The following CHAT variants were observed in gnomAD, a reference collection of about 807,000 sequenced individuals.
CHAT encodes acetyl CoA:choline O-acetyltransferase.
Under a neutral mutation model 76.9 loss-of-function variants are expected in CHAT, and 61 were observed. The ratio of observed to expected loss-of-function variants is 0.79; its 90% confidence interval spans 0.65 to 0.98. CHAT has a LOEUF of 0.98. Ranked by LOEUF, CHAT falls within the 50% of genes least tolerant of loss-of-function variation. The pLI is 0.00. For synonymous variants in CHAT, 407 were observed against 397.4 expected (o/e 1.02, Z -0.29); for missense variants, 946 against 986.9 (o/e 0.96, Z 0.56).
In CHAT at chr10:49,666,639, C is replaced by G. The variant is rs1477543853; in HGVS notation, c.*1593C>G. ...GTGGGCATTTGACCTTTGCTCAGCT[C>G]TTTGAAAACACAAGCAGCCTCAAGA... is the stretch of plus-strand genomic sequence containing the variant. On this transcript the variant is annotated 3_prime_UTR_variant, in exon 15 of 15. Coordinates refer to ENST00000337653, the MANE Select transcript of CHAT (RefSeq NM_020549.5). 6.6e-6 allele frequency among the ~76,000 whole-genome samples: 1 copy of G among 152,196 alleles called. No homozygotes were observed. Among genetic ancestry groups the G allele is most frequent in the Non-Finnish European group, 1.5e-5 (1 of 68,024 alleles).
upstream of CHAT, chr10:49,610,464 C>T: frequency 2.6e-6 from 1 of 380,672 alleles, no homozygotes; most frequent in Non-Finnish European, 4.6e-6. Flanking sequence ...GCCCAGTCTC[C>T]GGCCCCGGCC....
At chr10:49,610,692 G>C, upstream of CHAT, 1 of 1,448,216 alleles carries the variant, frequency 6.9e-7, no homozygotes, top group Non-Finnish European at 9.0e-7. Flanking sequence ...CGGGACGCCA[G>C]CGCTCGGCCC....
At chr10:49,642,799 A>G (rs1839529116) in intron 7 of CHAT, among the ~76,000 whole-genome samples, 1 of 152,248 alleles carries the variant, frequency 6.6e-6, no homozygotes, top group Admixed American at 6.5e-5. Context: ...GCCAACAGGA[A>G]TGAGGTGTAC....
intron 7 of CHAT, among the ~76,000 whole-genome samples, chr10:49,640,017 C>A (rs56180907): frequency 0.25 from 38,135 of 151,974 alleles, 6,184 homozygotes; most frequent in Non-Finnish European, 0.35. Context: ...TCAGTCCTAA[C>A]ATTTCTATTT....
chr10:49,611,738 C>G, upstream of CHAT: 1 of 1,605,116 alleles, frequency 6.2e-7, no homozygotes, highest in South Asian at 1.1e-5. Flanking sequence ...GCCTGGCTGC[C>G]GGCCTTCGTG....
intron 5 of CHAT, 99 bp downstream of exon 5, chr10:49,622,249 C>A: frequency 8.0e-7 from 1 of 1,257,312 alleles, no homozygotes; most frequent in South Asian, 1.2e-5. Flanking sequence ...TATTCCCATT[C>A]CTGGCTCCTG....
In CHAT at chr10:49,666,199, G is replaced by A. The variant is rs1041358496; in HGVS notation, c.*1153G>A. 6.6e-6 allele frequency among the ~76,000 whole-genome samples: 1 copy of A among 152,136 alleles called. No individual in the cohort carries two copies. Among genetic ancestry groups the A allele is most frequent in the African/African-American group, 2.4e-5 (1 of 41,436 alleles). On this transcript the variant is annotated 3_prime_UTR_variant, in exon 15 of 15. Coordinates refer to ENST00000337653, the MANE Select transcript of CHAT (RefSeq NM_020549.5). ...GGGACAGCTGGCAGGGAGCAGGGCT[G>A]GGAGGAGGGCACAGCCTCCTCCAGA... is the stretch of plus-strand genomic sequence containing the variant.
intron 7 of CHAT, among the ~76,000 whole-genome samples, chr10:49,644,548 G>A (rs78779946): frequency 0.02 from 3,039 of 152,256 alleles, 117 homozygotes; most frequent in African/African-American, 0.07. Context: ...CAGAGAGTGA[G>A]GAGGCATCCT....
intron 7 of CHAT, among the ~76,000 whole-genome samples, chr10:49,629,776 T>G (rs991682873): frequency 5.3e-5 from 8 of 151,958 alleles, no homozygotes; most frequent in Non-Finnish European, 1.2e-4. Flanking sequence ...TAGCGCCAAC[T>G]GTGTCATCTA....
At position 49,619,699 on chromosome 10, in the gene CHAT, C is replaced by A. The variant is rs185002438; in HGVS notation, c.388-26C>A. On this transcript the variant is annotated intron_variant, in intron 2 of 14. Transcript: ENST00000337653. ...GCATGGGGCGCACATACTAGAGGCA[C>A]AATGCCTATGAACCCTTTCTTCCAG... 1,800 of 1,603,244 alleles carry A rather than the reference C, an allele frequency of 1.1e-3. 1 individual carries two copies. The highest frequency in any genetic ancestry group is 1.4e-3 in the Non-Finnish European group (1,657 of 1,178,806).
At chr10:49,662,825 T>C in intron 14 of CHAT, 43 bp downstream of exon 14, 1 of 1,613,636 alleles carries the variant, frequency 6.2e-7, no homozygotes. Context: ...GTGTAGTCAG[T>C]AAGCTTTCTA....
At chr10:49,646,395 C>A in intron 7 of CHAT, 110 bp from the exon 8 acceptor site, 1 of 1,395,918 alleles carries the variant, frequency 7.2e-7, no homozygotes, top group Non-Finnish European at 1.0e-6. Flanking sequence ...AGACCTGGGT[C>A]TTGTTGTGAT....
chr10:49,641,103 A>G (rs1839465953), intron 7 of CHAT, among the ~76,000 whole-genome samples: 1 of 152,222 alleles, frequency 6.6e-6, no homozygotes, highest in Admixed American at 6.5e-5. Flanking sequence ...CTGTGTCCTC[A>G]CATGGCCTTC....
rs374000183 is a variant in CHAT, at chr10:49,655,176, G to A, written c.1716G>A (p.Ser572=). 207 of 1,614,004 alleles carry A rather than the reference G, an allele frequency of 1.3e-4. No individual in the cohort carries two copies. Among genetic ancestry groups the A allele is most frequent in the East Asian group, 2.5e-4 (11 of 44,876 alleles). Residue 572 remains serine, a synonymous_variant, in exon 12 of 15, where the codon TCG becomes TCA. Transcript: ENST00000337653. ...AGGGACGCGTGGACAACATCAGATC[G>A]GCCACTCCAGAGGCACTGGCTTTTG... The part of the protein sequence containing the change: ...FQEGRVDNIR[S]ATPEALAFVR...
chr10:49,626,215 C>T (rs1268912084), intron 6 of CHAT, among the ~76,000 whole-genome samples: 1 of 152,164 alleles, frequency 6.6e-6, no homozygotes. Flanking sequence ...ATGCTCTACC[C>T]CCTGCAGCTC....
rs1838637030 is a variant in CHAT, at chr10:49,619,849, C to T, written c.512C>T (p.Ala171Val). 1.2e-6 allele frequency: 2 copies of T among 1,613,580 alleles called. No homozygotes were observed. Among genetic ancestry groups the T allele is most frequent in the Non-Finnish European group, 1.7e-6 (2 of 1,179,844 alleles). Residue 171 changes from alanine to valine, a missense_variant, in exon 3 of 15, where the codon GCC becomes GTC. Physicochemically the swap from Ala to Val is moderately conservative, Grantham distance 64 (BLOSUM62 0). This residue lies in a region of CHAT where 548 missense variants were observed against 516.2 expected (regional missense o/e 1.06). Transcript: ENST00000337653. ...KSQAIVQQFG[A>V]PGGLGETLQQ... ...CAGGCCATTGTGCAGCAGTTTGGGG[C>T]CCCTGGTGGCCTCGGCGAGACCCTG...
At chr10:49,656,297 T>G (rs1840033273) in intron 13 of CHAT, among the ~76,000 whole-genome samples, 1 of 150,002 alleles carries the variant, frequency 6.7e-6, no homozygotes, top group African/African-American at 2.5e-5. Context: ...TTTTTTTTTT[T>G]TTTTTTTTTT....
chr10:49,638,555 A>T (rs1412009815), intron 7 of CHAT, among the ~76,000 whole-genome samples: 4 of 152,054 alleles, frequency 2.6e-5, no homozygotes, highest in Non-Finnish European at 4.4e-5. Flanking sequence ...TTTAGAATTC[A>T]ATTTTGATAT....
At chr10:49,652,400 T>C (rs992146596) in intron 11 of CHAT, among the ~76,000 whole-genome samples, 4 of 152,120 alleles carry the variant, frequency 2.6e-5, no homozygotes, top group South Asian at 2.1e-4. Flanking sequence ...GCTAAGGAAA[T>C]GGAACCAGCA....
Sources: allele counts gnomAD v4.1 joint callset (sites outside exome capture counted in the v4.1 genomes callset), GRCh38; gene constraint gnomAD v4.1.1; regional missense constraint gnomAD v4.1.1; transcripts MANE v1.5; gene names NCBI Gene and HGNC (gene_info 2026-07-23, HGNC 2026-07-21).